Variants in PDE6B observed in about 807,000 individuals in gnomAD.
PDE6B encodes the protein rod cGMP-specific 3',5'-cyclic phosphodiesterase subunit beta.
PDE6B carries 106 observed loss-of-function variants against 109.0 expected under a neutral mutation model. That is an observed-to-expected ratio of 0.97 (90% CI 0.83 to 1.14). The LOEUF (loss-of-function observed/expected upper bound fraction) is 1.14. Ranked by LOEUF, PDE6B falls within the 50% of genes most tolerant of loss-of-function variation. PDE6B has a pLI of 0.00. For synonymous variants in PDE6B, 490 were observed against 471.3 expected (o/e 1.04, Z -0.51); for missense variants, 1,193 against 1,155.6 (o/e 1.03, Z -0.47).
intron 10 of PDE6B, among the ~76,000 whole-genome samples, chr4:658,284 G>A (rs1736612637): frequency 6.8e-6 from 1 of 146,540 alleles, no homozygotes; most frequent in Non-Finnish European, 1.5e-5. Context: ...GTGCGGCGGG[G>A]GCAGGTCGTC....
Position 625,892 on chromosome 4 carries a change from C to A in PDE6B, c.266C>A (p.Ala89Asp). 6.2e-7 allele frequency: 1 copy of A among 1,604,062 alleles called. No individual in the cohort carries two copies. Among genetic ancestry groups the A allele is most frequent in the East Asian group, 2.3e-5 (1 of 44,402 alleles). Residue 89 changes from alanine (A) to aspartate (D), a missense_variant, in exon 1 of 22, where the codon GCC (alanine) becomes GAC (aspartate). Ala to Asp is a moderately radical substitution (Grantham distance 126). Coordinates refer to ENST00000496514, the MANE Select transcript of PDE6B (RefSeq NM_000283.4). The surrounding 1 kb of genome is among the most constrained non-coding windows in gnomAD (Gnocchi z 5.0). ...CGGCGCCTCTGCACCCTCCTGCAGGCCGACCGCTGCAGCCTCTTCATGTAC... is the reference window on the plus strand; with the variant it reads ...CGGCGCCTCTGCACCCTCCTGCAGGACGACCGCTGCAGCCTCTTCATGTAC... ...VLRRLCTLLQ[A>D]DRCSLFMYRQ...
rs530829887 is a variant in PDE6B, at chr4:649,189, C to T, written c.712-4663C>T. Among the ~76,000 whole-genome samples, 24 of 152,314 alleles carry T rather than the reference C, an allele frequency of 1.6e-4. 1 individual carries two copies. The South Asian group carries it at 2.9e-3, about 18-fold the overall frequency. ...GGGGCGGGTGATCCTGGGTGTCTGT[C>T]GCCTTTCCTTTTAATACAGTGTTCT... On this transcript the variant is annotated intron_variant, in intron 3 of 21. Coordinates refer to ENST00000496514, the MANE Select transcript of PDE6B (RefSeq NM_000283.4).
At chr4:650,974 C>T (rs1216939548) in intron 3 of PDE6B, among the ~76,000 whole-genome samples, 1 of 152,334 alleles carries the variant, frequency 6.6e-6, no homozygotes, top group South Asian at 2.1e-4. Flanking sequence ...GGCTGCTGGG[C>T]TGGGACCACC....
chr4:653,562 G>A (rs2109189923), intron 3 of PDE6B: 1 of 541,014 alleles, frequency 1.8e-6, no homozygotes, highest in East Asian at 3.3e-5. Context: ...ATGTTTGCCT[G>A]TCAAGCTCAA....
intron 3 of PDE6B, chr4:653,542 G>A: frequency 2.0e-6 from 1 of 504,204 alleles, no homozygotes. Flanking sequence ...GCGGAGGAAG[G>A]GCTGGTCGGA....
At chr4:651,346 G>T (rs1463899101) in intron 3 of PDE6B, among the ~76,000 whole-genome samples, 1 of 152,188 alleles carries the variant, frequency 6.6e-6, no homozygotes, top group African/African-American at 2.4e-5. Context: ...GGGGCCCCAG[G>T]GGTTGGTGGG....
At chr4:659,691 T>C (rs989934326) in intron 11 of PDE6B, among the ~76,000 whole-genome samples, 4 of 148,530 alleles carry the variant, frequency 2.7e-5, no homozygotes, top group Non-Finnish European at 4.5e-5. Context: ...TGTGTGCACA[T>C]GGGCGTTTGT....
chr4:656,384 TAAA>T, intron 8 of PDE6B, 92 bp downstream of exon 8: 2 of 909,898 alleles, frequency 2.2e-6, no homozygotes, highest in Middle Eastern at 2.1e-4. Flanking sequence ...TTTTGCCACT[TAAA>T]AAACAACTTC....
rs1171943489 is a variant in PDE6B at position 659,054 on chromosome 4, G to T, written c.1467+37G>T. ...GCTCCCGTCCCTCCCATGGAGGCCG[G>T]CCACGTGTGAGGCTGGGAGGAAGAG... On this transcript the variant is annotated intron_variant, in intron 11 of 21. Transcript: ENST00000496514. 2.7e-6 allele frequency: 4 copies of T among 1,496,168 alleles called. No homozygotes were observed. The South Asian group carries it at 4.5e-5, about 17-fold the overall frequency. 92.7% of individuals were successfully genotyped at this position (1,496,168 alleles called of 1,614,324 possible).
At chr4:634,052 G>C (rs144955880) in intron 1 of PDE6B, among the ~76,000 whole-genome samples, 1 of 151,980 alleles carries the variant, frequency 6.6e-6, no homozygotes, top group Non-Finnish European at 1.5e-5. Flanking sequence ...TTCTCATCAC[G>C]GTGGGCCCCA....
intron 1 of PDE6B, among the ~76,000 whole-genome samples, chr4:631,710 G>A (rs1359521609): frequency 6.6e-6 from 1 of 151,566 alleles, no homozygotes; most frequent in Admixed American, 6.6e-5. Context: ...GGATTTATGT[G>A]TGGGACCATC....
rs72613106 is a variant in PDE6B, at chr4:634,904, C to T, written c.621+75C>T. On this transcript the variant is annotated intron_variant, in intron 2 of 21. Transcript: ENST00000496514. ...CTGCCCGCCCGCCTGTTCTGTGCTG[C>T]GCATCCACCTCTTTACCTGCCTGCC... The T allele has an allele frequency of 0.1, 134,456 of 1,296,276 alleles. 8,330 individuals carry two copies. Among genetic ancestry groups the T allele is most frequent in the East Asian group, 0.23 (9,663 of 42,142 alleles). The allele number at this position is 1,296,276 out of a possible 1,614,324, so 80.3% of individuals were successfully genotyped here. A position where few individuals can be genotyped will look rare whatever the true frequency, so the allele number is the denominator to read the frequency against.
rs1412236818 is a variant in PDE6B at position 666,192 on chromosome 4, A to G, written c.2269-339A>G. Among the ~76,000 whole-genome samples, 3 of 152,154 alleles carry G rather than the reference A, an allele frequency of 2.0e-5. No homozygotes were observed. Among genetic ancestry groups the G allele is most frequent in the Non-Finnish European group, 2.9e-5 (2 of 68,016 alleles). On this transcript the variant is annotated intron_variant, in intron 19 of 21. Transcript: ENST00000496514. The surrounding 1 kb of genome is among the most constrained non-coding windows in gnomAD (Gnocchi z 5.6). ...GCCGAGTGTCTGGGCAGTGCAGCCC[A>G]GCCCGGCTCAGCACTGTGTACAGCC...
At position 666,544 on chromosome 4, in the gene PDE6B, G is replaced by C; in HGVS notation, c.2282G>C (p.Arg761Pro). The change falls in exon 20 of 22, where the codon CGG becomes CCG. Residue 761 changes from arginine to proline, a missense_variant. Coordinates refer to ENST00000496514, the MANE Select transcript of PDE6B (RefSeq NM_000283.4). The surrounding 1 kb of genome is among the most constrained non-coding windows in gnomAD (Gnocchi z 5.6). The stretch of plus-strand genomic sequence containing the variant: ...TCCTCCCACCAGCCTATGATGGACC[G>C]GAACAAGGCGGCCGAGCTCCCCAAG... Reference protein sequence around the residue: ...LDQQPIPMMDRNKAAELPKLQ... With the variant: ...LDQQPIPMMDPNKAAELPKLQ... The C allele has an allele frequency of 1.9e-6, 3 of 1,612,128 alleles. No individual in the cohort carries two copies. Among genetic ancestry groups the C allele is most frequent in the Non-Finnish European group, 1.7e-6 (2 of 1,178,480 alleles).
rs758446281 is a variant in PDE6B at position 666,492 on chromosome 4, C to T, written c.2269-39C>T. On this transcript the variant is annotated intron_variant, in intron 19 of 21. Transcript: ENST00000496514. This position sits in a 1 kb window ranked among gnomAD's most constrained non-coding sequence, Gnocchi z 5.6. Reference sequence around the variant, plus strand: ...TGGGCGGGGCCCCAGGAGCTGCCTCCCTGGTCACTGTTCTCCCGCCCTCTG... The same window carrying T: ...TGGGCGGGGCCCCAGGAGCTGCCTCTCTGGTCACTGTTCTCCCGCCCTCTG... 2 of 1,445,862 alleles carry T rather than the reference C, an allele frequency of 1.4e-6. No homozygotes were observed. Among genetic ancestry groups the T allele is most frequent in the Non-Finnish European group, 1.9e-6 (2 of 1,027,588 alleles). 89.6% of individuals were successfully genotyped at this position (1,445,862 alleles called of 1,614,324 possible).
chr4:638,467 C>T (rs35869797), intron 3 of PDE6B, among the ~76,000 whole-genome samples: 4,411 of 152,104 alleles, frequency 0.029, 65 homozygotes, highest in Middle Eastern at 0.041. Context: ...GGATTACAGG[C>T]GCCCACCACC....
At chr4:659,044 A>G (rs773122011) in intron 11 of PDE6B, 27 bp downstream of exon 11, 15 of 1,574,440 alleles carry the variant, frequency 9.5e-6, no homozygotes, top group Non-Finnish European at 1.2e-5. Context: ...CGTCCCTCCC[A>G]TGGAGGCCGG....
intron 5 of PDE6B, 200 bp downstream of exon 5, chr4:654,354 C>T (rs748811765): frequency 3.2e-5 from 22 of 686,828 alleles, no homozygotes; most frequent in East Asian, 2.7e-4. Flanking sequence ...GGGCTGGTCC[C>T]TGAATGAGGG....
intron 2 of PDE6B, among the ~76,000 whole-genome samples, chr4:635,421 G>T (rs1266370429): frequency 8.9e-6 from 1 of 112,854 alleles, no homozygotes; most frequent in South Asian, 3.0e-4. Context: ...TGTGCTGTGC[G>T]TCCACCTCCT....
Sources: allele counts gnomAD v4.1 joint callset (sites outside exome capture counted in the v4.1 genomes callset), GRCh38; gene constraint gnomAD v4.1.1; non-coding constraint Gnocchi (gnomAD v3.1); transcripts MANE v1.5; gene names NCBI Gene and HGNC (gene_info 2026-07-23, HGNC 2026-07-21).